ADCYAP1: variants seen among roughly 807,000 people sequenced by gnomAD.
ADCYAP1 encodes adenylate cyclase activating polypeptide 1.
A neutral mutation model predicts 18.5 loss-of-function variants in ADCYAP1; 6 were observed. The ratio of observed to expected loss-of-function variants is 0.32; its 90% CI spans 0.18 to 0.64. ADCYAP1 has a LOEUF of 0.64. Among genes scored for constraint, ADCYAP1 ranks in the 30% least tolerant of loss-of-function variants. The probability of loss-of-function intolerance (pLI) is 0.77; values close to 1 mark genes in which losing one functional copy is unlikely to be tolerated. For missense variants in ADCYAP1, 314 were observed against 253.6 expected, an observed-to-expected ratio of 1.24 and a Z score of -1.62; for synonymous variants, 136 against 113.9, an observed-to-expected ratio of 1.19 and a Z score of -1.24.
chr18:907,296 C>G (rs1391957980), intron 2 of ADCYAP1, among the ~76,000 whole-genome samples: 2 of 152,196 alleles, frequency 1.3e-5, no homozygotes, highest in Admixed American at 6.5e-5. Flanking sequence ...TCGTCCCCGC[C>G]CGTTGCTGCT....
intron 2 of ADCYAP1, 160 bp from the exon 3 acceptor site, chr18:907,499 C>A: frequency 1.3e-6 from 1 of 760,050 alleles, no homozygotes; most frequent in Non-Finnish European, 2.0e-6. Context: ...TTGCCTCCTC[C>A]TTACCTCTGC....
chr18:905,790 G>A (rs1419952186), intron 2 of ADCYAP1: 2 of 484,890 alleles, frequency 4.1e-6, no homozygotes, highest in Non-Finnish European at 7.4e-6. Flanking sequence ...CGGCCCACAG[G>A]ATGGGGGCAG....
intron 4 of ADCYAP1, 102 bp downstream of exon 4, chr18:908,465 T>C (rs1598984853): frequency 3.2e-6 from 3 of 931,206 alleles, no homozygotes; most frequent in East Asian, 5.4e-5. Context: ...CCAGGGTGAG[T>C]CTGCGCCCCT....
In ADCYAP1 at chr18:909,782, T is replaced by C. The variant is rs1909318768; in HGVS notation, c.*147T>C. The C allele has an allele frequency of 1.6e-6, 1 of 611,778 alleles. No individual in the cohort carries two copies. The allele number at this position is 611,778 out of a possible 1,614,324, so 37.9% of individuals were successfully genotyped here. On this transcript the variant is annotated 3_prime_UTR_variant, in exon 5 of 5. Coordinates refer to ENST00000450565, the MANE Select transcript of ADCYAP1 (RefSeq NM_001099733.2). ...AGCCATTAAATGAATATTTTGATAA[T>C]AATATTGTTTTTCTTTCTACAAAGC...
At chr18:908,214 A>T in intron 3 of ADCYAP1, 51 bp from the exon 4 acceptor site, 1 of 1,527,386 alleles carries the variant, frequency 6.5e-7, no homozygotes, top group Non-Finnish European at 9.0e-7. Flanking sequence ...TCTAGCGGCC[A>T]CCTGGGGACA....
upstream of ADCYAP1, chr18:904,610 G>T (rs764893904): frequency 3.2e-6 from 4 of 1,257,328 alleles, no homozygotes; most frequent in Middle Eastern, 5.3e-4. Context: ...AGGCGCCGCC[G>T]ACCCTCGCGG....
rs1909400330 is a variant in ADCYAP1, at chr18:911,857, C to T, written c.*2222C>T. On this transcript the variant is annotated 3_prime_UTR_variant, in exon 5 of 5. Transcript: ENST00000450565. The stretch of plus-strand genomic sequence containing the variant: ...ATCAGCTGTTAGTGGTGAAATAGGG[C>T]TCTAGTTAACCTTTTATTTATGAAG... 6.6e-6 allele frequency: 1 copy of T among 152,178 alleles called. No individual in the cohort carries two copies. Among genetic ancestry groups the T allele is most frequent in the South Asian group, 2.1e-4 (1 of 4,832 alleles). 9.4% of individuals were successfully genotyped at this position (152,178 alleles called of 1,614,324 possible).
intron 2 of ADCYAP1, chr18:905,745 C>CTT (rs1909145770): frequency 1.9e-6 from 1 of 519,830 alleles, no homozygotes; most frequent in African/African-American, 2.0e-5. Context: ...AGCCAGTGAG[C>CTT]TTCTGGCCGC....
At chr18:909,111 A>G (rs1909285735) in intron 4 of ADCYAP1, among the ~76,000 whole-genome samples, 1 of 152,008 alleles carries the variant, frequency 6.6e-6, no homozygotes, top group Non-Finnish European at 1.5e-5. Flanking sequence ...AGCGAGGACA[A>G]TTTAGCGCAA....
At chr18:907,921 C>T in intron 3 of ADCYAP1, 131 bp downstream of exon 3, 1 of 1,355,002 alleles carries the variant, frequency 7.4e-7, no homozygotes, top group Non-Finnish European at 9.5e-7. Context: ...TGTCCTCTCC[C>T]TGGCCCGATC....
intron 2 of ADCYAP1, chr18:905,796 G>GA: frequency 2.1e-6 from 1 of 472,410 alleles, no homozygotes; most frequent in Non-Finnish European, 3.8e-6. Context: ...ACAGGATGGG[G>GA]GCAGGGCACG....
chr18:905,661 A>G, intron 2 of ADCYAP1, 165 bp downstream of exon 2: 1 of 837,900 alleles, frequency 1.2e-6, no homozygotes, highest in Admixed American at 2.8e-5. Context: ...TCCCCATTCT[A>G]GCCGAGGGTC....
At chr18:908,386 A>G (rs777856894) in intron 4 of ADCYAP1, 23 bp downstream of exon 4, 1 of 1,596,192 alleles carries the variant, frequency 6.3e-7, no homozygotes, top group Non-Finnish European at 8.6e-7. Context: ...GGAAGGATTA[A>G]CCTGCGCGCG....
intron 4 of ADCYAP1, among the ~76,000 whole-genome samples, chr18:909,209 G>C (rs1909290139): frequency 6.6e-6 from 1 of 152,348 alleles, no homozygotes; most frequent in Non-Finnish European, 1.5e-5. Context: ...CTTATCCCGG[G>C]CCCCCTCCGC....
chr18:909,666 G>A lies in ADCYAP1; in HGVS notation c.*31G>A, dbSNP rs2231188. On this transcript the variant is annotated 3_prime_UTR_variant, in exon 5 of 5. Transcript: ENST00000450565. ...GGTTACCAGCTACCCTGTGTATACA[G>A]CCCTGACGCAATGAAAAGTCGTTTT... 5,555 of 1,572,908 alleles carry A rather than the reference G, an allele frequency of 3.5e-3. 7 individuals carry two copies. The highest frequency in any genetic ancestry group is 4.4e-3 in the Non-Finnish European group (5,090 of 1,152,678).
chr18:908,180 G>T, intron 3 of ADCYAP1, 85 bp from the exon 4 acceptor site: 1 of 1,252,140 alleles, frequency 8.0e-7, no homozygotes. Flanking sequence ...GCCGCCGAGG[G>T]GGCGCGCGCC....
chr18:908,091 C>CTA (rs1298072450), intron 3 of ADCYAP1, 174 bp from the exon 4 acceptor site: 21 of 674,476 alleles, frequency 3.1e-5, no homozygotes, highest in Non-Finnish European at 5.1e-5. Context: ...GCTCCCGATC[C>CTA]TAGCAGTTGC....
intron 2 of ADCYAP1, chr18:906,482 G>A (rs1415592762): frequency 2.0e-5 from 3 of 152,436 alleles, no homozygotes; most frequent in Non-Finnish European, 4.4e-5. Flanking sequence ...GGAGAGATGG[G>A]TTCTGGGTTC....
chr18:906,077 T>A (rs1230021917), intron 2 of ADCYAP1: 6 of 151,512 alleles, frequency 4.0e-5, no homozygotes, highest in Admixed American at 2.6e-4. Flanking sequence ...GTGGGGAGGG[T>A]GTTGGCCCGG....
Sources: gnomAD v4.1 joint callset for allele counts (sites outside exome capture counted in the v4.1 genomes callset) on GRCh38, gnomAD v4.1.1 for gene constraint, MANE v1.5 for transcripts, NCBI Gene and HGNC (gene_info 2026-07-23, HGNC 2026-07-21) for gene names.